The following CEP295 variants were observed in gnomAD, a reference collection of about 807,000 sequenced individuals.
CEP295 encodes the protein centrosomal protein of 295 kDa.
In CEP295, 190 loss-of-function variants were observed where a neutral mutation model predicts 291.6. The observed-to-expected ratio is 0.65, with a 90% CI of 0.58 to 0.73. CEP295 has a LOEUF of 0.73. Ranked by LOEUF, CEP295 falls within the 30% of genes least tolerant of loss-of-function variation. The pLI is 0.00. For missense variants in CEP295, 2,863 were observed against 2,949.4 expected (o/e 0.97, Z 0.68); for synonymous variants, 993 against 1,038.8 (o/e 0.96, Z 0.85).
intron 23 of CEP295, among the ~76,000 whole-genome samples, chr11:93,726,210 A>C (rs1434321676): frequency 1.3e-5 from 2 of 152,134 alleles, no homozygotes; most frequent in Non-Finnish European, 2.9e-5. Context: ...GGCTCACTGC[A>C]ACCTCCGCCT....
At position 93,698,970 on chromosome 11, in the gene CEP295, C is replaced by G. The variant is rs1951993570; in HGVS notation, c.4058C>G (p.Ala1353Gly). ...CAGCCTCAACAAGATAATTTGAAGG[C>G]ACTTCAAGAACAGTTAGCTACACAG... is the stretch of plus-strand genomic sequence containing the variant. Reference protein sequence around the residue: ...LIQPQQDNLKALQEQLATQRE... With the variant: ...LIQPQQDNLKGLQEQLATQRE... The change falls in exon 15 of 30, where the codon GCA (alanine) becomes GGA (glycine). Residue 1353 changes from alanine to glycine, a missense_variant. Transcript: ENST00000325212. The G allele has an allele frequency of 6.4e-7, 1 of 1,550,934 alleles. No homozygotes were observed. The highest frequency in any genetic ancestry group is 2.4e-5 in the East Asian group (1 of 40,910).
intron 18 of CEP295, among the ~76,000 whole-genome samples, chr11:93,720,656 A>G (rs1953647102): frequency 1.3e-5 from 2 of 151,952 alleles, no homozygotes; most frequent in African/African-American, 4.8e-5. Flanking sequence ...GTGGTGGCAC[A>G]TTCTCGGTTC....
chr11:93,711,062 C>T (rs765660353), intron 18 of CEP295, among the ~76,000 whole-genome samples: 25 of 151,852 alleles, frequency 1.6e-4, no homozygotes, highest in Non-Finnish European at 2.9e-4. Context: ...TTTTTGTTTT[C>T]TTGATCTTTT....
Position 93,712,067 on chromosome 11 carries a change from TA to T in CEP295, c.5749+5171del, listed in dbSNP as rs146916594. Among the ~76,000 whole-genome samples the T allele has an allele frequency of 4.9e-3, 748 of 152,200 alleles. 8 individuals carry two copies. The highest frequency in any genetic ancestry group is 0.017 in the African/African-American group (688 of 41,530). On this transcript the variant is annotated intron_variant, in intron 18 of 29. Transcript: ENST00000325212. ...GTGGGATGTTGAGGTCTCCAGCTAT[TA>T]TTTTACTGGGGTCTAGCTATCTCTT...
chr11:93,719,246 GT>G (rs61255145), intron 18 of CEP295, among the ~76,000 whole-genome samples: 45,421 of 135,328 alleles, frequency 0.34, 7,365 homozygotes, highest in South Asian at 0.47. Context: ...TTTTTTCCGG[GT>G]TTTTTTTTTT....
intron 5 of CEP295, among the ~76,000 whole-genome samples, chr11:93,675,047 C>T (rs1950623900): frequency 6.6e-6 from 1 of 152,112 alleles, no homozygotes; most frequent in Non-Finnish European, 1.5e-5. Context: ...TACTTTCATT[C>T]TTCTGAGAGT....
At chr11:93,718,475 A>G (rs1953436322) in intron 18 of CEP295, among the ~76,000 whole-genome samples, 1 of 152,186 alleles carries the variant, frequency 6.6e-6, no homozygotes, top group South Asian at 2.1e-4. Context: ...TTTCTCTTCC[A>G]GCTTTCAGGG....
intron 9 of CEP295, among the ~76,000 whole-genome samples, chr11:93,685,558 T>C (rs1951190958): frequency 6.6e-6 from 1 of 152,224 alleles, no homozygotes. Flanking sequence ...CAGCAGCAGC[T>C]TAAGGTTACT....
At position 93,699,944 on chromosome 11, in the gene CEP295, CATGCAG is replaced by C. The variant is rs1952048901; in HGVS notation, c.5033_5038del (p.His1678_Ala1680delinsPro). ...TGAATTGTATTCATCCCAGAATGAACATGCAGCCCCCCCAAGTAATCCTGTGATCCC... is the reference window on the plus strand; with the variant it reads ...TGAATTGTATTCATCCCAGAATGAACCCCCCCCAAGTAATCCTGTGATCCC... On this transcript the variant is annotated inframe_deletion, in exon 15 of 30. Transcript: ENST00000325212. The C allele has an allele frequency of 6.4e-7, 1 of 1,551,616 alleles. No individual in the cohort carries two copies. The highest frequency in any genetic ancestry group is 1.4e-5 in the African/African-American group (1 of 73,050).
chr11:93,706,810 T>C lies in CEP295; in HGVS notation c.5662T>C (p.Phe1888Leu), dbSNP rs1952540390. 1.3e-6 allele frequency: 2 copies of C among 1,550,648 alleles called. No homozygotes were observed. Among genetic ancestry groups the C allele is most frequent in the Non-Finnish European group, 1.7e-6 (2 of 1,146,528 alleles). The change falls in exon 18 of 30, where the codon TTT becomes CTT. Residue 1888 changes from phenylalanine (F) to leucine (L), a missense_variant. Phe to Leu is a conservative substitution (Grantham distance 22). Coordinates refer to ENST00000325212, the MANE Select transcript of CEP295 (RefSeq NM_033395.2). ...RVSISREQSFFGSPLAHDPFS... is the reference protein window; with the variant it reads ...RVSISREQSFLGSPLAHDPFS... Reference sequence around the variant, plus strand: ...CTCAATAAGCCGAGAACAAAGTTTCTTTGGGAGCCCACTGGCCCATGATCC... The same window carrying C: ...CTCAATAAGCCGAGAACAAAGTTTCCTTGGGAGCCCACTGGCCCATGATCC...
rs1047342110 is a variant in CEP295, at chr11:93,695,548, A to G, written c.1585A>G (p.Ile529Val). The change falls in exon 13 of 30, where the codon ATT becomes GTT. Residue 529 changes from isoleucine to valine, a missense_variant. Around this residue, in one of 3 missense-constraint regions of CEP295, gnomAD observed 14 missense variants for 37.7 expected, o/e 0.37. Coordinates refer to ENST00000325212, the MANE Select transcript of CEP295 (RefSeq NM_033395.2). Reference sequence around the variant, plus strand: ...AAAGCAATTGGAATTACTTGAACAAATTGAACAGCAGAAATTAAGATTAGA... The same window carrying G: ...AAAGCAATTGGAATTACTTGAACAAGTTGAACAGCAGAAATTAAGATTAGA... Reference protein sequence around the residue: ...KQKQLELLEQIEQQKLRLETD... With the variant: ...KQKQLELLEQVEQQKLRLETD... The G allele has an allele frequency of 6.8e-7, 1 of 1,479,266 alleles. No homozygotes were observed. The highest frequency in any genetic ancestry group is 8.9e-7 in the Non-Finnish European group (1 of 1,123,914). The allele number at this position is 1,479,266 out of a possible 1,614,324, so 91.6% of individuals were successfully genotyped here.
rs1231929312 is a variant in CEP295 at position 93,697,145 on chromosome 11, T to C, written c.2233T>C (p.Ser745Pro). Residue 745 changes from serine (S) to proline (P), a missense_variant, in exon 15 of 30, where the codon TCA (serine) becomes CCA (proline). By Grantham distance (74) the Ser-to-Pro change is moderately conservative. This residue lies in a region of CEP295 where 2,295 missense variants were observed against 2,335.7 expected (regional missense o/e 0.98). Coordinates refer to ENST00000325212, the MANE Select transcript of CEP295 (RefSeq NM_033395.2). Reference protein sequence around the residue: ...RALSHDRQLISQDARKISETF... With the variant: ...RALSHDRQLIPQDARKISETF... ...TTTGTCACATGACAGGCAGCTAATA[T>C]CACAGGATGCTAGAAAAATATCTGA... is the stretch of plus-strand genomic sequence containing the variant. 6.4e-7 allele frequency: 1 copy of C among 1,551,816 alleles called. No homozygotes were observed. The highest frequency in any genetic ancestry group is 8.7e-7 in the Non-Finnish European group (1 of 1,147,082).
chr11:93,729,257 A>G (rs1329535837), intron 25 of CEP295, 177 bp from the exon 26 acceptor site: 2 of 613,560 alleles, frequency 3.3e-6, no homozygotes, highest in African/African-American at 3.7e-5. Context: ...CAACAAGGCA[A>G]AACCCAATCC....
At chr11:93,716,733 T>C (rs561746854) in intron 18 of CEP295, among the ~76,000 whole-genome samples, 7 of 152,318 alleles carry the variant, frequency 4.6e-5, no homozygotes, top group African/African-American at 1.4e-4. Flanking sequence ...AATCAAATTG[T>C]AACAAGTTCA....
Position 93,699,281 on chromosome 11 carries a change from AT to A in CEP295, c.4371del (p.Ile1457MetfsTer56). 6.4e-7 allele frequency: 1 copy of A among 1,551,988 alleles called. No homozygotes were observed. The highest frequency in any genetic ancestry group is 8.7e-7 in the Non-Finnish European group (1 of 1,147,002). ...TGTTTTACCTCAACAAGATAATTTG[AT>A]TGCACTTGAAGAACACTTGCATGCA... ...HLVLPQQDNLIALEEHLHAQT... is the reference protein window; with the variant it reads ...HLVLPQQDNLXALEEHLHAQT... On this transcript the variant is annotated frameshift_variant, in exon 15 of 30. Coordinates refer to ENST00000325212, the MANE Select transcript of CEP295 (RefSeq NM_033395.2). LOFTEE classifies it high-confidence loss of function.
In CEP295 at chr11:93,707,944, T is replaced by G. The variant is rs115754396; in HGVS notation, c.5749+1047T>G. Among the ~76,000 whole-genome samples, 620 of 152,340 alleles carry G rather than the reference T, an allele frequency of 4.1e-3. 4 individuals are homozygous for G. The highest frequency in any genetic ancestry group is 0.014 in the African/African-American group (600 of 41,582). ...TAAAAAATTGACTTTAACATCTCTT[T>G]AAATTGTGGATTAAAATAACTGTAA... On this transcript the variant is annotated intron_variant, in intron 18 of 29. Coordinates refer to ENST00000325212, the MANE Select transcript of CEP295 (RefSeq NM_033395.2).
Position 93,699,108 on chromosome 11 carries a change from T to C in CEP295, c.4196T>C (p.Leu1399Pro), listed in dbSNP as rs1052701817. The change falls in exon 15 of 30, where the codon CTA becomes CCA. Residue 1399 changes from leucine to proline, a missense_variant. By Grantham distance (98) the Leu-to-Pro change is moderately conservative. Around this residue, in one of 3 missense-constraint regions of CEP295, gnomAD observed 2,295 missense variants for 2,335.7 expected, o/e 0.98. Transcript: ENST00000325212. ...CAGGTTGACACCTCTTCCTTACCCC[T>C]AGTACCACAGCATTCATTCGCCTCA... Reference protein sequence around the residue: ...PEQVDTSSLPLVPQHSFASLP... With the variant: ...PEQVDTSSLPPVPQHSFASLP... The C allele has an allele frequency of 6.5e-7, 1 of 1,548,984 alleles. No homozygotes were observed.
intron 13 of CEP295, 94 bp from the exon 14 acceptor site, chr11:93,696,226 G>C (rs1230434272): frequency 1.5e-6 from 1 of 674,970 alleles, no homozygotes; most frequent in Non-Finnish European, 2.5e-6. Context: ...AAATAAAGCT[G>C]TATGGAAGTT....
At chr11:93,703,253 C>T (rs889647185) in intron 17 of CEP295, among the ~76,000 whole-genome samples, 7 of 151,784 alleles carry the variant, frequency 4.6e-5, no homozygotes, top group African/African-American at 1.2e-4. Flanking sequence ...CGTGAGCTAC[C>T]GCACCTGGTC....
Sources: gnomAD v4.1 joint callset for allele counts (sites outside exome capture counted in the v4.1 genomes callset) on GRCh38, gnomAD v4.1.1 for gene constraint, gnomAD v4.1.1 regional missense constraint, MANE v1.5 for transcripts, NCBI Gene and HGNC (gene_info 2026-07-23, HGNC 2026-07-21) for gene names.